The following KLF7 variants were observed in gnomAD, a reference collection of about 807,000 sequenced individuals.
KLF7 encodes Krueppel-like factor 7.
Under a neutral mutation model 27.3 loss-of-function variants are expected in KLF7, and 2 were observed. That is an observed-to-expected ratio of 0.07 (90% CI 0.03 to 0.23). The LOEUF (loss-of-function observed/expected upper bound fraction) is 0.23, where lower values mean the gene tolerates loss of function less well. Ranked by LOEUF, KLF7 falls within the 10% of genes least tolerant of loss-of-function variation. The pLI is 1.00. For synonymous variants in KLF7, 165 were observed against 162.4 expected (o/e 1.02, Z -0.12); for missense variants, 221 against 394.1 (o/e 0.56, Z 3.72).
chr2:207,081,122 A>G lies in KLF7; in HGVS notation c.*91T>C. 1 of 1,098,328 alleles carries G rather than the reference A, an allele frequency of 9.1e-7. No individual in the cohort carries two copies. The highest frequency in any genetic ancestry group is 1.4e-6 in the Non-Finnish European group (1 of 713,214). 68.0% of individuals were successfully genotyped at this position (1,098,328 alleles called of 1,614,324 possible). A position where few individuals can be genotyped will look rare whatever the true frequency, so the allele number is the denominator to read the frequency against. On this transcript the variant is annotated 3_prime_UTR_variant, in exon 4 of 4. Coordinates refer to ENST00000309446, the MANE Select transcript of KLF7 (RefSeq NM_003709.4). The stretch of plus-strand genomic sequence containing the variant: ...AAGTGAGAACTTTCTTCTGCGAGGC[A>G]ATGGGTCCCCGCCTGAAGTCCAGCC...
intron 2 of KLF7, among the ~76,000 whole-genome samples, chr2:207,107,552 C>T (rs1049988569): frequency 6.6e-5 from 10 of 152,170 alleles, no homozygotes; most frequent in African/African-American, 2.4e-4. Flanking sequence ...TAATAATAAA[C>T]ACATTTATAT....
intron 1 of KLF7, among the ~76,000 whole-genome samples, chr2:207,153,798 G>A (rs2078310809): frequency 2.0e-5 from 3 of 152,118 alleles, no homozygotes; most frequent in Admixed American, 1.3e-4. Context: ...CCTTTGGGGA[G>A]CCCACCTCCT....
chr2:207,157,219 T>TAAAAAAAAAAAAAAAAAAAAAA (rs5838052), intron 1 of KLF7, among the ~76,000 whole-genome samples: 1 of 87,314 alleles, frequency 1.1e-5, no homozygotes, highest in African/African-American at 4.3e-5. Flanking sequence ...AACAGAAAAG[T>TAAAAAAAAAAAAAAAAAAAAAA]AAAAAAAAAA....
At chr2:207,141,095 T>C (rs748469729) in intron 1 of KLF7, among the ~76,000 whole-genome samples, 10 of 152,132 alleles carry the variant, frequency 6.6e-5, no homozygotes, top group Non-Finnish European at 1.5e-4. Context: ...ATATATAAAA[T>C]GGACTATATA....
intron 3 of KLF7, among the ~76,000 whole-genome samples, chr2:207,085,728 T>G (rs1381798411): frequency 1.3e-5 from 2 of 152,118 alleles, no homozygotes; most frequent in Non-Finnish European, 2.9e-5. Flanking sequence ...GCTCTTCTTG[T>G]AAGAAGAAAC....
chr2:207,106,879 C>A (rs2076897474), intron 2 of KLF7, among the ~76,000 whole-genome samples: 1 of 152,088 alleles, frequency 6.6e-6, no homozygotes, highest in Non-Finnish European at 1.5e-5. Flanking sequence ...GGCCTTTTCT[C>A]TAGGAAATGC....
intron 1 of KLF7, among the ~76,000 whole-genome samples, chr2:207,138,047 TG>T (rs1181868293): frequency 2.0e-5 from 3 of 152,194 alleles, no homozygotes; most frequent in Non-Finnish European, 4.4e-5. Flanking sequence ...TAACCTTAGG[TG>T]GCTTGACTGA....
chr2:207,153,079 C>T (rs2078287977), intron 1 of KLF7, among the ~76,000 whole-genome samples: 1 of 152,120 alleles, frequency 6.6e-6, no homozygotes, highest in African/African-American at 2.4e-5. Flanking sequence ...CATGAGGAAA[C>T]TGAGGACTAG....
chr2:207,151,748 AC>A (rs2078253276), intron 1 of KLF7, among the ~76,000 whole-genome samples: 2 of 151,576 alleles, frequency 1.3e-5, no homozygotes, highest in Non-Finnish European at 2.9e-5. Flanking sequence ...ACACACACAC[AC>A]ACAAAATAGT....
intron 1 of KLF7, among the ~76,000 whole-genome samples, chr2:207,160,300 G>A (rs1368040884): frequency 6.6e-6 from 1 of 152,166 alleles, no homozygotes; most frequent in Non-Finnish European, 1.5e-5. Context: ...CTGGACAGAG[G>A]AAATCTCTGC....
At chr2:207,147,310 A>C (rs1665714611) in intron 1 of KLF7, among the ~76,000 whole-genome samples, 1 of 152,198 alleles carries the variant, frequency 6.6e-6, no homozygotes, top group African/African-American at 2.4e-5. Flanking sequence ...TGCTCTTAAA[A>C]AAATTAAAAG....
intron 1 of KLF7, among the ~76,000 whole-genome samples, chr2:207,129,340 A>G (rs1364321184): frequency 6.6e-6 from 1 of 152,190 alleles, no homozygotes; most frequent in Admixed American, 6.5e-5. Flanking sequence ...AGCCTGACCT[A>G]ACCATACAAC....
At chr2:207,151,036 A>G (rs1005496522) in intron 1 of KLF7, among the ~76,000 whole-genome samples, 230 of 113,334 alleles carry the variant, frequency 2.0e-3, no homozygotes, top group Middle Eastern at 4.3e-3. Context: ...GAAGGGAGGG[A>G]GGGAGGGTGA....
In KLF7 at chr2:207,079,788, T is replaced by C. The variant is rs1390940463; in HGVS notation, c.*1425A>G. The C allele has an allele frequency of 1.3e-5, 2 of 152,162 alleles. No individual in the cohort carries two copies. The highest frequency in any genetic ancestry group is 1.3e-4 in the Admixed American group (2 of 15,272). 9.4% of individuals were successfully genotyped at this position (152,162 alleles called of 1,614,324 possible). On this transcript the variant is annotated 3_prime_UTR_variant, in exon 4 of 4. Coordinates refer to ENST00000309446, the MANE Select transcript of KLF7 (RefSeq NM_003709.4). ...AAAGAAAGAAACGTGTCTCTCCTTTTAGACAGCCCATGAGAGAAACACCTC... is the reference window on the plus strand; with the variant it reads ...AAAGAAAGAAACGTGTCTCTCCTTTCAGACAGCCCATGAGAGAAACACCTC...
upstream of KLF7, chr2:207,166,033 C>T: frequency 1.4e-5 from 5 of 352,176 alleles, no homozygotes; most frequent in Non-Finnish European, 1.4e-5. Flanking sequence ...CCCTTCCCTT[C>T]CCTCCCCACC....
At chr2:207,108,263 A>C (rs2076933775) in intron 2 of KLF7, among the ~76,000 whole-genome samples, 1 of 152,250 alleles carries the variant, frequency 6.6e-6, no homozygotes, top group Admixed American at 6.5e-5. Context: ...ACACAGGTGG[A>C]TTTGAAAGCA....
At chr2:207,150,990 T>C (rs1463759632) in intron 1 of KLF7, among the ~76,000 whole-genome samples, 3 of 124,548 alleles carry the variant, frequency 2.4e-5, no homozygotes, top group Non-Finnish European at 5.2e-5. Context: ...AGACCTGTTC[T>C]CTTTATTAAA....
intron 1 of KLF7, among the ~76,000 whole-genome samples, chr2:207,138,129 T>C (rs1293245595): frequency 6.6e-6 from 1 of 152,196 alleles, no homozygotes; most frequent in Non-Finnish European, 1.5e-5. Context: ...GAATCATCAC[T>C]GCCATCCCCT....
chr2:207,118,734 T>C (rs1052663052), intron 2 of KLF7, among the ~76,000 whole-genome samples: 1 of 152,244 alleles, frequency 6.6e-6, no homozygotes, highest in Non-Finnish European at 1.5e-5. Flanking sequence ...GGTTAATATT[T>C]GTAAAACATT....
Sources: gnomAD v4.1 joint callset for allele counts (sites outside exome capture counted in the v4.1 genomes callset) on GRCh38, gnomAD v4.1.1 for gene constraint, MANE v1.5 for transcripts, NCBI Gene and HGNC (gene_info 2026-07-23, HGNC 2026-07-21) for gene names.